CT45A10: variants seen among roughly 807,000 people sequenced by gnomAD.
The protein encoded by CT45A10 is cancer/testis antigen family 45 member A10.
A neutral mutation model predicts 8.3 loss-of-function variants in CT45A10; 19 were observed. The observed-to-expected ratio is 2.30, with a 90% confidence interval of 1.61 to 3.38. The LOEUF (loss-of-function observed/expected upper bound fraction) is 3.38, where lower values mean the gene tolerates loss of function less well. Ranked by LOEUF, CT45A10 falls within the 30% of genes most tolerant of loss-of-function variation. CT45A10 has a pLI of 0.00. For missense variants in CT45A10, 149 were observed against 85.9 expected (o/e 1.73, Z -2.90); for synonymous variants, 28 against 26.5 (o/e 1.06, Z -0.17).
rs1383220989 is a variant in CT45A10, at chrX:135,883,257, C to G, written c.170-1G>C. The stretch of plus-strand genomic sequence containing the variant: ...GGAATAGCATGTCCTGTCATAAGCT[C>G]TGGTGAAACAAATTTTGAGTAAAAG... On this transcript the variant is annotated splice_acceptor_variant, in intron 2 of 4. Transcript: ENST00000682849. LOFTEE classifies it high-confidence loss of function. 2.5e-6 allele frequency: 3 copies of G among 1,194,497 alleles called. No homozygotes were observed. Among genetic ancestry groups the G allele is most frequent in the Non-Finnish European group, 3.4e-6 (3 of 885,107 alleles).
At chrX:135,889,560 G>A (rs2088478830) in intron 1 of CT45A10, among the ~76,000 whole-genome samples, 1 of 110,889 alleles carries the variant, frequency 9.0e-6, no homozygotes, top group Admixed American at 9.6e-5. Context: ...GTTTTTTAAA[G>A]TCAACCCCGA....
In CT45A10 at chrX:135,883,535, C is replaced by G. The variant is rs1372666086; in HGVS notation, c.170-279G>C. ...AATAAAACCACCTCCTATTTTCTGTCGCCTTGAATAGATATGGAAACCAAG... is the reference window on the plus strand; with the variant it reads ...AATAAAACCACCTCCTATTTTCTGTGGCCTTGAATAGATATGGAAACCAAG... On this transcript the variant is annotated intron_variant, in intron 2 of 4. Coordinates refer to ENST00000682849, the MANE Select transcript of CT45A10 (RefSeq NM_001291529.2). 1.8e-5 allele frequency among the ~76,000 whole-genome samples: 2 copies of G among 110,361 alleles called. 1 individual carries two copies. The highest frequency in any genetic ancestry group is 3.8e-5 in the Non-Finnish European group (2 of 52,653).
intron 1 of CT45A10, among the ~76,000 whole-genome samples, chrX:135,889,577 G>A (rs781974621): frequency 2.7e-5 from 3 of 111,360 alleles, no homozygotes; most frequent in African/African-American, 6.5e-5. Flanking sequence ...CCGACCGGGC[G>A]CAGTGGCTCA....
At chrX:135,891,808 T>C (rs2088502183) in intron 1 of CT45A10, among the ~76,000 whole-genome samples, 1 of 111,696 alleles carries the variant, frequency 9.0e-6, no homozygotes, top group Non-Finnish European at 1.9e-5. Context: ...AAAACAGATT[T>C]GTAGAAGACA....
intron 2 of CT45A10, among the ~76,000 whole-genome samples, 175 bp from the exon 3 acceptor site, chrX:135,883,431 A>T (rs2088411724): frequency 1.8e-5 from 2 of 109,882 alleles, no homozygotes; most frequent in African/African-American, 6.6e-5. Context: ...GTTTCTAGGG[A>T]ATTATTTATT....
chrX:135,883,784 C>T (rs1388007181), intron 2 of CT45A10, among the ~76,000 whole-genome samples: 1 of 62,254 alleles, frequency 1.6e-5, no homozygotes, highest in South Asian at 9.6e-4. Flanking sequence ...AAAATAGAGG[C>T]GGCCATTACT....
At chrX:135,883,433 T>C (rs2088411766) in intron 2 of CT45A10, among the ~76,000 whole-genome samples, 177 bp from the exon 3 acceptor site, 1 of 109,972 alleles carries the variant, frequency 9.1e-6, no homozygotes, top group African/African-American at 3.3e-5. Flanking sequence ...TTCTAGGGAA[T>C]TATTTATTTC....
intron 3 of CT45A10, 77 bp downstream of exon 3, chrX:135,882,931 T>C (rs1471774183): frequency 1.3e-5 from 15 of 1,115,099 alleles, no homozygotes; most frequent in East Asian, 3.0e-5. Flanking sequence ...CCTCAAGAGG[T>C]AACATGGATA....
intron 1 of CT45A10, among the ~76,000 whole-genome samples, chrX:135,890,705 T>C (rs1380866022): frequency 2.7e-5 from 3 of 112,387 alleles, no homozygotes; most frequent in African/African-American, 9.7e-5. Context: ...AGAGACATTA[T>C]TGTTAATTCT....
At chrX:135,889,616 C>A (rs1290909598) in intron 1 of CT45A10, among the ~76,000 whole-genome samples, 1 of 111,307 alleles carries the variant, frequency 9.0e-6, no homozygotes, top group South Asian at 3.8e-4. Context: ...CTTGGGAGGC[C>A]GAAGTGTCTG....
chrX:135,890,017 C>T (rs1260692307), intron 1 of CT45A10, among the ~76,000 whole-genome samples: 3 of 111,571 alleles, frequency 2.7e-5, no homozygotes, highest in African/African-American at 9.8e-5. Context: ...TGCATGTAGC[C>T]CCCAGTCACA....
At chrX:135,882,946 C>T in intron 3 of CT45A10, 62 bp downstream of exon 3, 7 of 1,158,196 alleles carry the variant, frequency 6.0e-6, no homozygotes, top group Non-Finnish European at 8.2e-6. Context: ...TGGATATCTT[C>T]TGAATCATAG....
chrX:135,890,686 A>G (rs1286598863), intron 1 of CT45A10, among the ~76,000 whole-genome samples: 3 of 112,405 alleles, frequency 2.7e-5, no homozygotes, highest in African/African-American at 9.7e-5. Context: ...GGAATGGAAG[A>G]CATTATTAAG....
intron 4 of CT45A10, among the ~76,000 whole-genome samples, chrX:135,881,630 G>A (rs1331918922): frequency 7.8e-5 from 1 of 12,775 alleles, no homozygotes; most frequent in African/African-American, 1.7e-4. Flanking sequence ...CCAAGAGAAA[G>A]GAAGTCAGTG....
intron 2 of CT45A10, among the ~76,000 whole-genome samples, chrX:135,883,566 C>T (rs2148061100): frequency 9.2e-6 from 1 of 108,696 alleles, no homozygotes; most frequent in African/African-American, 3.4e-5. Context: ...CCAAGTAAGG[C>T]AGTACAACTC....
intron 1 of CT45A10, among the ~76,000 whole-genome samples, chrX:135,889,651 G>T (rs1402212241): frequency 1.8e-5 from 2 of 110,147 alleles, no homozygotes; most frequent in Non-Finnish European, 3.8e-5. Flanking sequence ...AGGAGTCCAA[G>T]ACCAGCATGG....
intron 1 of CT45A10, chrX:135,889,174 G>T (rs1249389594): frequency 3.7e-6 from 2 of 538,800 alleles, no homozygotes. Context: ...CGTTGACTCT[G>T]GCGCCCTCTG....
chrX:135,883,075 T>G lies in CT45A10; in HGVS notation c.351A>C (p.Lys117Asn), dbSNP rs2088403666. 2.5e-6 allele frequency: 3 copies of G among 1,198,795 alleles called. No individual in the cohort carries two copies. The highest frequency in any genetic ancestry group is 3.5e-5 in the African/African-American group (2 of 57,043). The change falls in exon 3 of 5, where the codon AAA (lysine) becomes AAC (asparagine). Residue 117 changes from lysine (K) to asparagine (N), a missense_variant. Lys to Asn is a moderately conservative substitution (Grantham distance 94). Coordinates refer to ENST00000682849, the MANE Select transcript of CT45A10 (RefSeq NM_001291529.2). ...LECRGIASSP[K>N]SQQEINADIK... ...TATCAGCATTAATTTCTTGTTGGCT[T>G]TTGGGAGAGGAGGCTATTCCTCTGC...
chrX:135,883,076 T>G lies in CT45A10; in HGVS notation c.350A>C (p.Lys117Thr). ...ATCAGCATTAATTTCTTGTTGGCTT[T>G]TGGGAGAGGAGGCTATTCCTCTGCA... The part of the protein sequence containing the change: ...LECRGIASSP[K>T]SQQEINADIK... Residue 117 changes from lysine to threonine, a missense_variant, in exon 3 of 5, where the codon AAA (lysine) becomes ACA (threonine). By Grantham distance (78) the Lys-to-Thr change is moderately conservative. Coordinates refer to ENST00000682849, the MANE Select transcript of CT45A10 (RefSeq NM_001291529.2). 5.0e-6 allele frequency: 6 copies of G among 1,198,864 alleles called. 1 individual carries two copies. The highest frequency in any genetic ancestry group is 6.8e-6 in the Non-Finnish European group (6 of 885,752).
Sources: gnomAD v4.1 joint callset for allele counts (sites outside exome capture counted in the v4.1 genomes callset) on GRCh38, gnomAD v4.1.1 for gene constraint, MANE v1.5 for transcripts, NCBI Gene and HGNC (gene_info 2026-07-23, HGNC 2026-07-21) for gene names.